The following NR6A1 variants were observed in gnomAD, a reference collection of about 807,000 sequenced individuals.
NR6A1 encodes the protein retinoic acid receptor-related testis-associated receptor.
In NR6A1, 7 loss-of-function variants were observed where a neutral mutation model predicts 59.1. That is an observed-to-expected ratio of 0.12 (90% confidence interval 0.07 to 0.22). The LOEUF (loss-of-function observed/expected upper bound fraction) is 0.22. Among genes scored for constraint, NR6A1 ranks in the 10% least tolerant of loss-of-function variants. NR6A1 has a pLI of 1.00. For missense variants in NR6A1, 468 were observed against 611.6 expected (o/e 0.77, Z 2.48); for synonymous variants, 243 against 236.1 (o/e 1.03, Z -0.27).
chr9:124,597,842 CTTAT>C (rs1482314658), intron 2 of NR6A1, among the ~76,000 whole-genome samples: 9 of 152,072 alleles, frequency 5.9e-5, no homozygotes, highest in East Asian at 1.9e-4. Flanking sequence ...AACTCTAAAT[CTTAT>C]TTATTTTTTT....
At chr9:124,553,502 T>C (rs1451701987) in intron 3 of NR6A1, among the ~76,000 whole-genome samples, 2 of 151,838 alleles carry the variant, frequency 1.3e-5, no homozygotes, top group African/African-American at 4.8e-5. Flanking sequence ...CTTTTTCTTT[T>C]CTTTTCAGAG....
intron 4 of NR6A1, among the ~76,000 whole-genome samples, chr9:124,542,563 C>CT (rs1234828148): frequency 6.6e-6 from 1 of 152,196 alleles, no homozygotes; most frequent in African/African-American, 2.4e-5. Flanking sequence ...AACCTTCTAA[C>CT]TGCTTTCTCT....
intron 4 of NR6A1, 129 bp from the exon 5 acceptor site, chr9:124,540,316 T>A: frequency 2.0e-6 from 2 of 987,302 alleles, no homozygotes; most frequent in Non-Finnish European, 2.9e-6. Flanking sequence ...ATCCCCATAT[T>A]CCGGGCCTCT....
chr9:124,536,552 G>A (rs764105689), intron 6 of NR6A1, among the ~76,000 whole-genome samples: 9 of 152,168 alleles, frequency 5.9e-5, no homozygotes, highest in Middle Eastern at 3.4e-3. Context: ...CCAGCTACTC[G>A]GGAGGCTGAG....
intron 3 of NR6A1, among the ~76,000 whole-genome samples, chr9:124,549,635 C>T (rs1314369882): frequency 6.6e-6 from 1 of 152,194 alleles, no homozygotes. Context: ...AGCTGTCTTG[C>T]ACATAGGTGA....
intron 2 of NR6A1, among the ~76,000 whole-genome samples, chr9:124,695,311 G>A (rs889624586): frequency 2.0e-5 from 3 of 152,120 alleles, no homozygotes; most frequent in African/African-American, 7.2e-5. Context: ...TTGGATTTAC[G>A]CTATCTAAAA....
At position 124,702,021 on chromosome 9, in the gene NR6A1, G is replaced by A. The variant is rs534884457; in HGVS notation, c.142+31287C>T. ...ATTACAGGTGTGAGCCACCGCACCC[G>A]GCCTTTACCAGATATTTAATTTGCA... On this transcript the variant is annotated intron_variant, in intron 2 of 9. Transcript: ENST00000487099. Among the ~76,000 whole-genome samples, 6 of 152,192 alleles carry A rather than the reference G, an allele frequency of 3.9e-5. No individual in the cohort carries two copies. In the East Asian group the frequency reaches 5.8e-4, roughly 15 times the overall value.
chr9:124,600,951 G>GA lies in NR6A1; in HGVS notation c.143-46382dup, dbSNP rs201488136. On this transcript the variant is annotated intron_variant, in intron 2 of 9. Transcript: ENST00000487099. ...AAGAGTAATATGACTGGCTGTGGGGGAAAAAAAAAAAAAAGACTACAGAGT... is the reference window on the plus strand; with the variant it reads ...AAGAGTAATATGACTGGCTGTGGGGGAAAAAAAAAAAAAAAGACTACAGAGT... 4.4e-3 allele frequency among the ~76,000 whole-genome samples: 548 copies of GA among 125,016 alleles called. 5 individuals are homozygous for GA. Among genetic ancestry groups the GA allele is most frequent in the African/African-American group, 0.01 (348 of 34,270 alleles). The allele number at this position is 125,016 out of a possible 152,430, so 82.0% of individuals were successfully genotyped here.
chr9:124,714,030 G>A (rs1411803764), intron 2 of NR6A1, among the ~76,000 whole-genome samples: 1 of 152,116 alleles, frequency 6.6e-6, no homozygotes, highest in East Asian at 1.9e-4. Flanking sequence ...ACAAAATGTG[G>A]TATATACATA....
At chr9:124,692,491 C>A (rs1409955599) in intron 2 of NR6A1, 1 of 532,428 alleles carries the variant, frequency 1.9e-6, no homozygotes, top group Non-Finnish European at 3.9e-6. Context: ...ACATTCAACG[C>A]TGTCGGTGAG....
chr9:124,623,785 G>C (rs1836153144), intron 2 of NR6A1, among the ~76,000 whole-genome samples: 1 of 152,222 alleles, frequency 6.6e-6, no homozygotes, highest in South Asian at 2.1e-4. Flanking sequence ...GGTCTTGAAG[G>C]AAAAACTACT....
chr9:124,525,284 A>AACACACACACACACACACACAC (rs71492413), intron 8 of NR6A1, among the ~76,000 whole-genome samples: 14 of 137,398 alleles, frequency 1.0e-4, no homozygotes, highest in East Asian at 8.9e-4. Flanking sequence ...ATGCTTGTAA[A>AACACACACACACACACACACAC]ACACACACAC....
At chr9:124,721,977 T>A (rs949434464) in intron 2 of NR6A1, among the ~76,000 whole-genome samples, 17 of 152,252 alleles carry the variant, frequency 1.1e-4, no homozygotes, top group Admixed American at 2.0e-4. Flanking sequence ...TGTATCTTTT[T>A]AAACAAATCT....
chr9:124,588,686 G>A (rs1164449436), intron 2 of NR6A1, among the ~76,000 whole-genome samples: 1 of 147,676 alleles, frequency 6.8e-6, no homozygotes, highest in East Asian at 2.1e-4. Context: ...TTGGGAGGCC[G>A]AAGCAGGTGG....
At chr9:124,730,540 G>C (rs1225119864) in intron 2 of NR6A1, among the ~76,000 whole-genome samples, 1 of 145,098 alleles carries the variant, frequency 6.9e-6, no homozygotes, top group Non-Finnish European at 1.5e-5. Context: ...CTGCCAGTAA[G>C]TACAATTTTT....
At chr9:124,613,850 TAA>T (rs2130847674) in intron 2 of NR6A1, among the ~76,000 whole-genome samples, 1 of 152,218 alleles carries the variant, frequency 6.6e-6, no homozygotes, top group South Asian at 2.1e-4. Flanking sequence ...TAAAAGTATA[TAA>T]AAGTTTACAG....
chr9:124,730,923 T>C (rs1839866152), intron 2 of NR6A1, among the ~76,000 whole-genome samples: 2 of 152,326 alleles, frequency 1.3e-5, no homozygotes, highest in South Asian at 4.1e-4. Context: ...TATTTATCTG[T>C]GTATCCCTAG....
At chr9:124,637,076 C>T (rs1836631371) in intron 2 of NR6A1, among the ~76,000 whole-genome samples, 2 of 152,146 alleles carry the variant, frequency 1.3e-5, no homozygotes, top group South Asian at 2.1e-4. Context: ...AGGAGTGATA[C>T]ATCTCTCTAG....
chr9:124,528,230 C>T (rs1832995656), intron 7 of NR6A1, among the ~76,000 whole-genome samples: 2 of 152,190 alleles, frequency 1.3e-5, no homozygotes, highest in African/African-American at 2.4e-5. Flanking sequence ...TTGGGGAAAG[C>T]CTGGCTCTGG....
Sources: allele counts gnomAD v4.1 joint callset (sites outside exome capture counted in the v4.1 genomes callset), GRCh38; gene constraint gnomAD v4.1.1; transcripts MANE v1.5; gene names NCBI Gene and HGNC (gene_info 2026-07-23, HGNC 2026-07-21).